PAG1: variants seen among roughly 807,000 people sequenced by gnomAD.
PAG1 encodes phosphoprotein associated with glycosphingolipid-enriched microdomains 1.
In PAG1, 23 loss-of-function variants were observed where a neutral mutation model predicts 31.7. The ratio of observed to expected loss-of-function variants is 0.73; its 90% CI spans 0.52 to 1.03. The LOEUF is 1.03. PAG1 is among the 50% of genes least tolerant of loss of function. PAG1 has a pLI of 0.00. For missense variants in PAG1, 473 were observed against 540.7 expected (o/e 0.87, Z 1.24); for synonymous variants, 214 against 210.3 (o/e 1.02, Z -0.15).
intron 1 of PAG1, among the ~76,000 whole-genome samples, chr8:81,101,629 G>T (rs1809610920): frequency 1.3e-5 from 2 of 152,078 alleles, no homozygotes; most frequent in South Asian, 2.1e-4. Context: ...TTTATATTTT[G>T]CTCTGTGCGC....
intron 5 of PAG1, 122 bp downstream of exon 5, chr8:80,991,357 T>C: frequency 1.3e-6 from 1 of 755,712 alleles, no homozygotes; most frequent in Non-Finnish European, 2.4e-6. Context: ...ACCGTTTAAC[T>C]TAGGCTTAGC....
intron 7 of PAG1, 45 bp downstream of exon 7, chr8:80,984,731 C>A: frequency 6.4e-7 from 1 of 1,574,426 alleles, no homozygotes; most frequent in Non-Finnish European, 8.6e-7. Context: ...GATTCCTAAC[C>A]AGAACAGGAA....
rs116426697 is a variant in PAG1, at chr8:81,101,322, C to T, written c.-234+10269G>A. On this transcript the variant is annotated intron_variant, in intron 1 of 8. Transcript: ENST00000220597. The stretch of plus-strand genomic sequence containing the variant: ...ATGTACATTTTGGGCAAAGTGACCA[C>T]TACATAATAAAGCAAAAGAAAAATA... 4.3e-3 allele frequency among the ~76,000 whole-genome samples: 661 copies of T among 152,226 alleles called. 4 individuals carry two copies. The highest frequency in any genetic ancestry group is 0.015 in the African/African-American group (619 of 41,538).
chr8:81,053,301 G>A (rs6998340), intron 2 of PAG1, among the ~76,000 whole-genome samples: 43,764 of 152,112 alleles, frequency 0.29, 8,450 homozygotes, highest in African/African-American at 0.55. Flanking sequence ...AACTCAATAA[G>A]TCATAAACCT....
intron 7 of PAG1, 64 bp from the exon 8 acceptor site, chr8:80,980,558 A>G: frequency 1.9e-6 from 2 of 1,028,962 alleles, no homozygotes; most frequent in Non-Finnish European, 3.0e-6. Flanking sequence ...TTTCTTTTGC[A>G]CATGTTTCCT....
At position 81,077,357 on chromosome 8, in the gene PAG1, C is replaced by T. The variant is rs941116476; in HGVS notation, c.-233-7187G>A. On this transcript the variant is annotated intron_variant, in intron 1 of 8. Transcript: ENST00000220597. ...TGGGATTTGTTGCTCTCTATTCCAA[C>T]CTTCTACAGCCTCTTCTACTTCAGG... is the stretch of plus-strand genomic sequence containing the variant. 5.3e-5 allele frequency among the ~76,000 whole-genome samples: 8 copies of T among 152,322 alleles called. 1 individual carries two copies. The highest frequency in any genetic ancestry group is 3.3e-4 in the Admixed American group (5 of 15,314).
chr8:81,070,622 T>C (rs959874090), intron 1 of PAG1, among the ~76,000 whole-genome samples: 1 of 151,634 alleles, frequency 6.6e-6, no homozygotes, highest in Non-Finnish European at 1.5e-5. Flanking sequence ...ACAAAATTGG[T>C]TGTATGCCTC....
At chr8:81,054,277 C>T (rs920439140) in intron 2 of PAG1, among the ~76,000 whole-genome samples, 3 of 152,148 alleles carry the variant, frequency 2.0e-5, no homozygotes, top group Non-Finnish European at 4.4e-5. Flanking sequence ...AAAACGTTGG[C>T]TCTGATTTAT....
At chr8:81,049,694 T>A (rs1394531760) in intron 2 of PAG1, among the ~76,000 whole-genome samples, 2 of 152,222 alleles carry the variant, frequency 1.3e-5, no homozygotes, top group Non-Finnish European at 2.9e-5. Context: ...ATTCCTTATA[T>A]CACCATTTTC....
intron 2 of PAG1, among the ~76,000 whole-genome samples, chr8:81,067,976 A>G (rs2130955007): frequency 6.6e-6 from 1 of 152,236 alleles, no homozygotes; most frequent in East Asian, 1.9e-4. Context: ...AGCTCACTGA[A>G]ACCTCTGCCT....
intron 3 of PAG1, among the ~76,000 whole-genome samples, chr8:81,000,709 T>C (rs1009606089): frequency 9.2e-5 from 14 of 152,142 alleles, no homozygotes; most frequent in Non-Finnish European, 1.6e-4. Context: ...CCCAAAATGC[T>C]GGGATTATAG....
At chr8:80,988,374 A>G (rs1807469979) in intron 5 of PAG1, among the ~76,000 whole-genome samples, 2 of 152,224 alleles carry the variant, frequency 1.3e-5, no homozygotes, top group Non-Finnish European at 2.9e-5. Flanking sequence ...GATTTCTGAA[A>G]CTATTTTAGA....
At chr8:81,006,332 G>A (rs1807876885) in intron 3 of PAG1, among the ~76,000 whole-genome samples, 1 of 152,232 alleles carries the variant, frequency 6.6e-6, no homozygotes, top group Non-Finnish European at 1.5e-5. Flanking sequence ...TCTCGTGCTT[G>A]TGAGTCCTGC....
At position 81,047,620 on chromosome 8, in the gene PAG1, C is replaced by G. The variant is rs143278963; in HGVS notation, c.-174-17531G>C. Among the ~76,000 whole-genome samples, 210 of 152,270 alleles carry G rather than the reference C, an allele frequency of 1.4e-3. 1 individual carries two copies. The highest frequency in any genetic ancestry group is 4.9e-3 in the African/African-American group (204 of 41,542). ...CCTGGTAAGCAGGATTCCATAGGGT[C>G]CACTCAGATGGACACACACTACAAA... is the stretch of plus-strand genomic sequence containing the variant. On this transcript the variant is annotated intron_variant, in intron 2 of 8. Coordinates refer to ENST00000220597, the MANE Select transcript of PAG1 (RefSeq NM_018440.4).
intron 3 of PAG1, among the ~76,000 whole-genome samples, chr8:80,995,291 G>A (rs911185432): frequency 2.6e-5 from 4 of 152,228 alleles, no homozygotes; most frequent in African/African-American, 4.8e-5. Flanking sequence ...GACTCCCTGC[G>A]TAATACAGAA....
intron 3 of PAG1, among the ~76,000 whole-genome samples, chr8:81,023,596 A>T (rs1808224476): frequency 6.6e-6 from 1 of 150,770 alleles, no homozygotes. Context: ...CAATGTAAGG[A>T]GAGAGAGAGA....
intron 2 of PAG1, among the ~76,000 whole-genome samples, chr8:81,056,552 C>T (rs915819842): frequency 6.6e-6 from 1 of 152,112 alleles, no homozygotes; most frequent in African/African-American, 2.4e-5. Flanking sequence ...TTTCTTACAC[C>T]TTATATAAAA....
At chr8:81,073,738 G>A (rs1471151489) in intron 1 of PAG1, among the ~76,000 whole-genome samples, 1 of 152,192 alleles carries the variant, frequency 6.6e-6, no homozygotes, top group Non-Finnish European at 1.5e-5. Context: ...TCTTTCTAGT[G>A]GAGGTGGGGA....
At chr8:81,071,649 A>C (rs550702641) in intron 1 of PAG1, among the ~76,000 whole-genome samples, 1 of 152,072 alleles carries the variant, frequency 6.6e-6, no homozygotes, top group South Asian at 2.1e-4. Flanking sequence ...AAATCTGTTT[A>C]ATAAACACTT....
Sources: allele counts gnomAD v4.1 joint callset (sites outside exome capture counted in the v4.1 genomes callset), GRCh38; gene constraint gnomAD v4.1.1; transcripts MANE v1.5; gene names NCBI Gene and HGNC (gene_info 2026-07-23, HGNC 2026-07-21).